The following MEIG1 variants were observed in gnomAD, a reference collection of about 807,000 sequenced individuals.
MEIG1 encodes meiosis/spermiogenesis associated 1, also known as meiosis expressed gene 1 protein homolog.
A neutral mutation model predicts 11.3 loss-of-function variants in MEIG1; 12 were observed. That is an observed-to-expected ratio of 1.07 (90% confidence interval 0.68 to 1.73). The LOEUF (loss-of-function observed/expected upper bound fraction) is 1.73. Among genes scored for constraint, MEIG1 ranks in the 40% most tolerant of loss-of-function variants. MEIG1 has a pLI of 0.00. For missense variants in MEIG1, 119 were observed against 104.9 expected (o/e 1.13, Z -0.59); for synonymous variants, 41 against 33.2 (o/e 1.24, Z -0.81).
chr10:14,971,918 G>C (rs540655141), intron 2 of MEIG1, among the ~76,000 whole-genome samples: 1 of 151,982 alleles, frequency 6.6e-6, no homozygotes, highest in African/African-American at 2.4e-5. Context: ...GCAGTTCCAG[G>C]ACAGCTTGGG....
At chr10:14,986,679 G>T in intron 1 of MEIG1, 1 of 279,810 alleles carries the variant, frequency 3.6e-6, no homozygotes, top group African/African-American at 2.2e-5. Context: ...GCACAATCCG[G>T]GCTCACTGCA....
chr10:14,956,407 C>T (rs1339827948), upstream of MEIG1, among the ~76,000 whole-genome samples: 6 of 136,472 alleles, frequency 4.4e-5, no homozygotes, highest in African/African-American at 1.1e-4. Context: ...GGGGAAACCC[C>T]GTCTCTACTA....
chr10:14,987,116 A>G, intron 2 of MEIG1: 7 of 778,658 alleles, frequency 9.0e-6, no homozygotes, highest in Non-Finnish European at 1.2e-5. Flanking sequence ...CATGCAAAAA[A>G]GGACCAAGAA....
rs544576773 is a variant in MEIG1 at position 14,978,629 on chromosome 10, G to A, written n.66+6009G>A. On this transcript the variant is annotated intron_variant and non_coding_transcript_variant, in intron 1 of 2. Coordinates refer to the MEIG1 transcript ENST00000467536. ...TCATATTGTCACAGGGGTTGTGTTC[G>A]CTGCGATAGTATTCGTAGTCTCCTA... 2.0e-3 allele frequency among the ~76,000 whole-genome samples: 301 copies of A among 151,908 alleles called. 1 individual carries two copies. The highest frequency in any genetic ancestry group is 4.2e-3 in the African/African-American group (172 of 41,422).
At chr10:14,962,118 T>TA (rs1050327606) in intron 1 of MEIG1, among the ~76,000 whole-genome samples, 5 of 152,208 alleles carry the variant, frequency 3.3e-5, no homozygotes, top group African/African-American at 1.2e-4. Flanking sequence ...ATGTATTTTT[T>TA]ATCAATTCTT....
At chr10:14,958,972 A>G (rs935528940), upstream of MEIG1, among the ~76,000 whole-genome samples, 2 of 152,158 alleles carry the variant, frequency 1.3e-5, 1 homozygote, top group African/African-American at 4.8e-5. Context: ...GTACTGTAAT[A>G]TAGTAATAGA....
At chr10:14,978,041 C>G (rs1476277498) in intron 1 of MEIG1, among the ~76,000 whole-genome samples, 1 of 151,684 alleles carries the variant, frequency 6.6e-6, no homozygotes, top group Non-Finnish European at 1.5e-5. Flanking sequence ...GGGGGTGTTC[C>G]TTTTAAAGTC....
intron 1 of MEIG1, among the ~76,000 whole-genome samples, chr10:14,961,458 T>C (rs1843011460): frequency 6.6e-6 from 1 of 152,016 alleles, no homozygotes; most frequent in Non-Finnish European, 1.5e-5. Flanking sequence ...TACAACTTGG[T>C]ATTTTAGATG....
chr10:14,970,669 C>G (rs1021354644), intron 2 of MEIG1: 8 of 152,168 alleles, frequency 5.3e-5, no homozygotes, highest in Admixed American at 2.0e-4. Flanking sequence ...CTCGCTAATT[C>G]ATAAGTAAAT....
At chr10:14,961,992 A>G (rs7081631) in intron 1 of MEIG1, among the ~76,000 whole-genome samples, 14,485 of 151,806 alleles carry the variant, frequency 0.095, 1,427 homozygotes, top group East Asian at 0.32. Flanking sequence ...TTTTGTAGAG[A>G]TAGGGTCTCA....
rs561533451 is a variant in MEIG1, at chr10:14,969,402, C to A, written c.138+2796C>A. 4.7e-5 allele frequency among the ~76,000 whole-genome samples: 7 copies of A among 149,214 alleles called. No homozygotes were observed. In the South Asian group the frequency reaches 1.5e-3, roughly 31 times the overall value. The stretch of plus-strand genomic sequence containing the variant: ...GATCGAGGCTGCAGTGACCTGTGAT[C>A]ACATCACTGCACACCAGCCTGGGTG... On this transcript the variant is annotated intron_variant, in intron 2 of 2. Transcript: ENST00000407572.
chr10:14,965,156 A>C (rs1374018489), intron 1 of MEIG1, among the ~76,000 whole-genome samples: 1 of 152,200 alleles, frequency 6.6e-6, no homozygotes, highest in African/African-American at 2.4e-5. Flanking sequence ...TGATTGAAAA[A>C]AATTCATAAA....
intron 2 of MEIG1, among the ~76,000 whole-genome samples, chr10:14,967,389 C>A (rs1029219636): frequency 1.3e-5 from 2 of 152,094 alleles, no homozygotes; most frequent in African/African-American, 4.8e-5. Context: ...CCAGGCTTTC[C>A]TGAGAGGGTA....
Position 14,966,483 on chromosome 10 carries a change from C to T in MEIG1, c.15C>T (p.Asp5=), listed in dbSNP as rs757457393. The stretch of plus-strand genomic sequence containing the variant: ...CCTCTGTAACCATGGCTAGTTCTGA[C>T]GTAAAACCAAAATCAGTAAGTCATG... The part of the protein sequence containing the change: MASS[D]VKPKSVSHAK... The change falls in exon 2 of 3, where the codon GAC becomes GAT. Residue 5 remains aspartate, a synonymous_variant. Coordinates refer to ENST00000407572, the MANE Select transcript of MEIG1 (RefSeq NM_001080836.3). The T allele has an allele frequency of 1.6e-5, 26 of 1,607,964 alleles. No homozygotes were observed. The African/African-American group carries it at 2.3e-4, about 14-fold the overall frequency.
At chr10:14,981,560 C>A (rs910823986) in intron 1 of MEIG1, among the ~76,000 whole-genome samples, 27 of 152,078 alleles carry the variant, frequency 1.8e-4, no homozygotes, top group Admixed American at 8.5e-4. Flanking sequence ...AGCGAATGTT[C>A]AGCACCGGTA....
At chr10:14,982,024 C>G (rs1258119017) in intron 1 of MEIG1, among the ~76,000 whole-genome samples, 1 of 152,248 alleles carries the variant, frequency 6.6e-6, no homozygotes, top group African/African-American at 2.4e-5. Flanking sequence ...CAAGCCCAGC[C>G]TGCTTCTGCA....
chr10:14,972,769 A>C lies in MEIG1; in HGVS notation c.*128A>C. On this transcript the variant is annotated 3_prime_UTR_variant, in exon 3 of 3. Coordinates refer to ENST00000407572, the MANE Select transcript of MEIG1 (RefSeq NM_001080836.3). ...CAGTTTAATGTTTTGTGAAACACAA[A>C]AGCCATGAGAATTGGTATCTGCTAA... The C allele has an allele frequency of 3.2e-6, 3 of 924,872 alleles. No homozygotes were observed. Among genetic ancestry groups the C allele is most frequent in the South Asian group, 1.8e-5 (1 of 55,932 alleles). 57.3% of individuals were successfully genotyped at this position (924,872 alleles called of 1,614,324 possible).
At chr10:14,961,685 G>T (rs1213734935) in intron 1 of MEIG1, among the ~76,000 whole-genome samples, 2 of 141,860 alleles carry the variant, frequency 1.4e-5, no homozygotes, top group African/African-American at 5.3e-5. Flanking sequence ...TCACCAGGTT[G>T]GCTAGGCTGG....
At chr10:14,973,248 A>G (rs926733660), downstream of MEIG1, among the ~76,000 whole-genome samples, 1 of 152,154 alleles carries the variant, frequency 6.6e-6, no homozygotes, top group African/African-American at 2.4e-5. Context: ...GACTAGTGAC[A>G]TATTTTCTTA....
Sources: gnomAD v4.1 joint callset for allele counts (sites outside exome capture counted in the v4.1 genomes callset) on GRCh38, gnomAD v4.1.1 for gene constraint, MANE v1.5 for transcripts, NCBI Gene and HGNC (gene_info 2026-07-23, HGNC 2026-07-21) for gene names.